The following FGD6 variants were observed in gnomAD, a reference collection of about 807,000 sequenced individuals.
The protein encoded by FGD6 is FYVE, RhoGEF and PH domain-containing protein 6.
FGD6 carries 90 observed loss-of-function variants against 149.4 expected under a neutral mutation model. The ratio of observed to expected loss-of-function variants is 0.60; its 90% confidence interval spans 0.51 to 0.72. The LOEUF (loss-of-function observed/expected upper bound fraction) is 0.72. Ranked by LOEUF, FGD6 falls within the 30% of genes least tolerant of loss-of-function variation. The pLI is 0.00. For synonymous variants in FGD6, 527 were observed against 584.0 expected (o/e 0.90, Z 1.41); for missense variants, 1,437 against 1,684.8 (o/e 0.85, Z 2.57).
intron 8 of FGD6, among the ~76,000 whole-genome samples, chr12:95,133,207 C>CA (rs1176451178): frequency 6.6e-6 from 1 of 152,186 alleles, no homozygotes; most frequent in Admixed American, 6.5e-5. Context: ...CACTTGAGGT[C>CA]AGGAGTTTGA....
chr12:95,184,985 T>TGCCTCA (rs1202815176), intron 2 of FGD6, among the ~76,000 whole-genome samples: 1 of 152,108 alleles, frequency 6.6e-6, no homozygotes, highest in Admixed American at 6.6e-5. Flanking sequence ...GCAATTCACT[T>TGCCTCA]GCCTCAGCCT....
At position 95,172,702 on chromosome 12, in the gene FGD6, A is replaced by G; in HGVS notation, c.2484T>C (p.Gly828=). 1.9e-6 allele frequency: 3 copies of G among 1,613,054 alleles called. No individual in the cohort carries two copies. The highest frequency in any genetic ancestry group is 2.5e-6 in the Non-Finnish European group (3 of 1,179,484). Residue 828 remains glycine, a synonymous_variant, in exon 3 of 21, where the codon GGT becomes GGC. Transcript: ENST00000343958. ...TTTCCTCCTCATCAGAGGGAAGGTC[A>G]CCAAGACCAAGATCATTCTGTTCCT... is the stretch of plus-strand genomic sequence containing the variant. The part of the protein sequence containing the change: ...SQEEQNDLGL[G]DLPSDEEEII...
intron 2 of FGD6, among the ~76,000 whole-genome samples, chr12:95,182,276 C>A (rs1881306767): frequency 7.0e-6 from 1 of 143,680 alleles, no homozygotes; most frequent in Non-Finnish European, 1.5e-5. Context: ...GATCTTGGCT[C>A]ACTGCAACCT....
chr12:95,084,562 G>A lies in FGD6; in HGVS notation c.4192C>T (p.Gln1398Ter). ...KDENSESKVF[Q>*]LLHKNMLFYV... ...AATAACATGTTTTTGTGCAGTAACT[G>A]AAATACTTTAGACTCGGAATTCTCA... Residue 1398 changes from glutamine to a stop codon, truncating the protein, a stop_gained, in exon 20 of 21, where the codon CAG becomes TAG. Coordinates refer to ENST00000343958, the MANE Select transcript of FGD6 (RefSeq NM_018351.4). LOFTEE classifies it high-confidence loss of function. The A allele has an allele frequency of 6.2e-7, 1 of 1,605,912 alleles. No individual in the cohort carries two copies. The highest frequency in any genetic ancestry group is 8.5e-7 in the Non-Finnish European group (1 of 1,177,090).
At chr12:95,119,884 C>T (rs113082224) in intron 8 of FGD6, among the ~76,000 whole-genome samples, 15 of 152,226 alleles carry the variant, frequency 9.9e-5, no homozygotes, top group African/African-American at 3.4e-4. Context: ...TGTGCCACTG[C>T]ACTCCAGCCT....
chr12:95,124,640 A>G (rs1406395824), intron 8 of FGD6, among the ~76,000 whole-genome samples: 1 of 152,282 alleles, frequency 6.6e-6, no homozygotes, highest in East Asian at 1.9e-4. Flanking sequence ...TTAGAATTGG[A>G]AAAAGAATGG....
Position 95,210,662 on chromosome 12 carries a change from T to C in FGD6, c.622A>G (p.Met208Val). Residue 208 changes from methionine (M) to valine (V), a missense_variant, in exon 2 of 21, where the codon ATG becomes GTG. Met to Val is a conservative substitution (Grantham distance 21, BLOSUM62 1). Coordinates refer to ENST00000343958, the MANE Select transcript of FGD6 (RefSeq NM_018351.4). ...CCATTTGAATTACAGCCACCATTCA[T>C]TTCTGGGCTGTCTGTGGGCCTGTGC... ...QKHRPTDSPE[M>V]NGGCNSNGQF... 1 of 1,614,188 alleles carries C rather than the reference T, an allele frequency of 6.2e-7. No homozygotes were observed. Among genetic ancestry groups the C allele is most frequent in the Non-Finnish European group, 8.5e-7 (1 of 1,180,036 alleles).
chr12:95,172,365 G>T (rs796650197), intron 3 of FGD6, among the ~76,000 whole-genome samples: 20 of 152,318 alleles, frequency 1.3e-4, no homozygotes, highest in African/African-American at 4.1e-4. Flanking sequence ...AACAGAGCAA[G>T]ACTCTGTCTC....
intron 2 of FGD6, among the ~76,000 whole-genome samples, chr12:95,180,131 CA>C (rs796201402): frequency 2.3e-4 from 35 of 151,268 alleles, no homozygotes; most frequent in African/African-American, 8.2e-4. Context: ...GATCATTCTC[CA>C]GGAAATATTG....
At chr12:95,101,816 G>A (rs1301454112) in intron 14 of FGD6, among the ~76,000 whole-genome samples, 1 of 150,836 alleles carries the variant, frequency 6.6e-6, no homozygotes, top group Non-Finnish European at 1.5e-5. Flanking sequence ...CCGAGTAGCT[G>A]GGACTACAGA....
chr12:95,208,683 A>C (rs1463326930), intron 2 of FGD6, among the ~76,000 whole-genome samples, 160 bp downstream of exon 2: 1 of 152,154 alleles, frequency 6.6e-6, no homozygotes, highest in Non-Finnish European at 1.5e-5. Flanking sequence ...TACCCATTCC[A>C]ACTGTATGCT....
intron 5 of FGD6, among the ~76,000 whole-genome samples, chr12:95,151,247 T>TCA (rs1051543239): frequency 6.6e-6 from 1 of 152,162 alleles, no homozygotes; most frequent in African/African-American, 2.4e-5. Flanking sequence ...TACAGATTTT[T>TCA]CACATAGGAA....
chr12:95,210,011 T>A lies in FGD6; in HGVS notation c.1273A>T (p.Ser425Cys), dbSNP rs760685590. Reference protein sequence around the residue: ...APSFDKDSNLSSDSTTVDGSS... With the variant: ...APSFDKDSNLCSDSTTVDGSS... ...CCATCTACAGTTGTGCTGTCAGAAC[T>A]CAAATTAGAGTCTTTATCAAAAGAA... Residue 425 changes from serine (S) to cysteine (C), a missense_variant, in exon 2 of 21, where the codon AGT (serine) becomes TGT (cysteine). This residue lies in a region of FGD6 where 1,055 missense variants were observed against 1,146.0 expected (regional missense o/e 0.92). Transcript: ENST00000343958. 1 of 1,613,342 alleles carries A rather than the reference T, an allele frequency of 6.2e-7. No individual in the cohort carries two copies. Among genetic ancestry groups the A allele is most frequent in the Admixed American group, 1.7e-5 (1 of 59,838 alleles).
rs55926317 is a variant in FGD6, at chr12:95,102,443, CA to C, written c.3497+2563del. Reference sequence around the variant, plus strand: ...TGGGTGACAGAGCGAGACCCTTTCTCAAAAAAAAAAAAAAAAAAAAAAAACA... The same window carrying C: ...TGGGTGACAGAGCGAGACCCTTTCTCAAAAAAAAAAAAAAAAAAAAAAACA... On this transcript the variant is annotated intron_variant, in intron 14 of 20. Coordinates refer to ENST00000343958, the MANE Select transcript of FGD6 (RefSeq NM_018351.4). 6.3e-3 allele frequency among the ~76,000 whole-genome samples: 661 copies of C among 104,186 alleles called. 7 individuals are homozygous for C. The East Asian group carries it at 0.11, about 18-fold the overall frequency. 68.4% of individuals were successfully genotyped at this position (104,186 alleles called of 152,430 possible).
At chr12:95,124,459 A>G (rs1879281793) in intron 8 of FGD6, among the ~76,000 whole-genome samples, 1 of 152,218 alleles carries the variant, frequency 6.6e-6, no homozygotes, top group African/African-American at 2.4e-5. Context: ...AAATTTGATT[A>G]AAGTTCAGTG....
chr12:95,124,583 A>G (rs573242003), intron 8 of FGD6, among the ~76,000 whole-genome samples: 1 of 152,188 alleles, frequency 6.6e-6, no homozygotes, highest in Admixed American at 6.5e-5. Flanking sequence ...AAGTCCCAGC[A>G]ACAGAGGCAA....
chr12:95,151,328 T>C (rs1432024818), intron 5 of FGD6, among the ~76,000 whole-genome samples: 3 of 152,130 alleles, frequency 2.0e-5, no homozygotes. Context: ...TGGAGTGCAG[T>C]GGTACCATCT....
In FGD6 at chr12:95,209,261, G is replaced by A; in HGVS notation, c.2023C>T (p.Gln675Ter). The change falls in exon 2 of 21, where the codon CAA (glutamine) becomes TAA (stop). Residue 675 changes from glutamine (Q) to a stop codon, truncating the protein, a stop_gained. Transcript: ENST00000343958. LOFTEE classifies it high-confidence loss of function. The stretch of plus-strand genomic sequence containing the variant: ...TTCTCCTCTCCTACCAACAAGCCTT[G>A]CCAATCACTTTCAATCCCCTTCTGC... ...GEQKGIESDW[Q>*]GLLVGEEKRS... The A allele has an allele frequency of 6.2e-7, 1 of 1,614,078 alleles. No individual in the cohort carries two copies. Among genetic ancestry groups the A allele is most frequent in the Non-Finnish European group, 8.5e-7 (1 of 1,180,026 alleles).
chr12:95,206,983 C>A (rs1451382031), intron 2 of FGD6, among the ~76,000 whole-genome samples: 1 of 151,574 alleles, frequency 6.6e-6, no homozygotes, highest in Non-Finnish European at 1.5e-5. Flanking sequence ...TTATTCAATT[C>A]ACCCAACAAT....
Sources: gnomAD v4.1 joint callset for allele counts (sites outside exome capture counted in the v4.1 genomes callset) on GRCh38, gnomAD v4.1.1 for gene constraint, gnomAD v4.1.1 regional missense constraint, MANE v1.5 for transcripts, NCBI Gene and HGNC (gene_info 2026-07-23, HGNC 2026-07-21) for gene names.